SYT16: variants seen among roughly 807,000 people sequenced by gnomAD.
SYT16 encodes synaptotagmin 16, also known as synaptotagmin-16.
A neutral mutation model predicts 61.4 loss-of-function variants in SYT16; 42 were observed. That is an observed-to-expected ratio of 0.68 (90% CI 0.53 to 0.89). SYT16 has a LOEUF of 0.89. Among genes scored for constraint, SYT16 ranks in the 40% least tolerant of loss-of-function variants. The probability of loss-of-function intolerance (pLI) is 0.00; values close to 1 mark genes in which losing one functional copy is unlikely to be tolerated. For missense variants in SYT16, 804 were observed against 807.3 expected, an observed-to-expected ratio of 1.00 and a Z score of 0.05; for synonymous variants, 314 against 302.3, an observed-to-expected ratio of 1.04 and a Z score of -0.40.
At chr14:62,083,708 G>A (rs1303530867) in intron 6 of SYT16, among the ~76,000 whole-genome samples, 1 of 152,130 alleles carries the variant, frequency 6.6e-6, no homozygotes, top group Admixed American at 6.5e-5. Flanking sequence ...TGTTCTATGT[G>A]GGGGTAGACG....
At chr14:61,996,621 TATC>T in intron 3 of SYT16, 79 bp downstream of exon 3, 7 of 1,489,676 alleles carry the variant, frequency 4.7e-6, no homozygotes, top group Middle Eastern at 1.8e-4. Flanking sequence ...TGTTTTTAGT[TATC>T]ATGTGGATTT....
intron 7 of SYT16, among the ~76,000 whole-genome samples, chr14:62,089,742 G>A (rs1366416569): frequency 6.6e-6 from 1 of 152,178 alleles, no homozygotes; most frequent in African/African-American, 2.4e-5. Flanking sequence ...TATTAAGATG[G>A]TATAGGGTAG....
chr14:62,002,226 G>A (rs1296090908), intron 3 of SYT16, among the ~76,000 whole-genome samples: 1 of 152,094 alleles, frequency 6.6e-6, no homozygotes, highest in Non-Finnish European at 1.5e-5. Flanking sequence ...AGGATGTTTA[G>A]TGTGAGGGGG....
At chr14:61,832,962 A>C (rs1395801985) in intron 1 of SYT16, among the ~76,000 whole-genome samples, 1 of 152,110 alleles carries the variant, frequency 6.6e-6, no homozygotes, top group East Asian at 1.9e-4. Flanking sequence ...TCACTTCTTA[A>C]GGTGTCAATT....
At chr14:62,063,384 G>A (rs1474261816) in intron 3 of SYT16, among the ~76,000 whole-genome samples, 2 of 152,202 alleles carry the variant, frequency 1.3e-5, no homozygotes, top group Admixed American at 1.3e-4. Flanking sequence ...CATTTAAAAA[G>A]TATACCATAT....
chr14:62,084,397 T>A lies in SYT16; in HGVS notation c.1624+12T>A. The A allele has an allele frequency of 6.2e-7, 1 of 1,607,904 alleles. No individual in the cohort carries two copies. Among genetic ancestry groups the A allele is most frequent in the South Asian group, 1.1e-5 (1 of 90,356 alleles). The stretch of plus-strand genomic sequence containing the variant: ...TAACCGAGCACCTGGTAAGTGTGAG[T>A]CTGTTCTCCCAGCTCTGGTTCTTCC... On this transcript the variant is annotated intron_variant, in intron 7 of 7. Coordinates refer to ENST00000683842, the MANE Select transcript of SYT16 (RefSeq NM_001367656.1).
chr14:62,090,230 CTA>C (rs1255217078), intron 7 of SYT16, among the ~76,000 whole-genome samples: 2 of 152,220 alleles, frequency 1.3e-5, no homozygotes, highest in Non-Finnish European at 2.9e-5. Context: ...TTGTCAAAAA[CTA>C]TCATTAAGAT....
chr14:61,863,007 T>C (rs2047012392), intron 1 of SYT16, among the ~76,000 whole-genome samples: 1 of 152,234 alleles, frequency 6.6e-6, no homozygotes, highest in South Asian at 2.1e-4. Context: ...CACAGTTTGT[T>C]TATCCATTTA....
chr14:61,914,959 C>G (rs915959510), intron 1 of SYT16, among the ~76,000 whole-genome samples: 1 of 152,132 alleles, frequency 6.6e-6, no homozygotes, highest in Admixed American at 6.6e-5. Flanking sequence ...ATAGGTTGTA[C>G]ATGATCTGGT....
At chr14:61,992,069 C>A (rs2052575295) in intron 2 of SYT16, among the ~76,000 whole-genome samples, 1 of 152,096 alleles carries the variant, frequency 6.6e-6, no homozygotes, top group South Asian at 2.1e-4. Flanking sequence ...TGTGGACTCC[C>A]AGTCCATTGG....
chr14:61,877,399 C>T (rs997537800), intron 1 of SYT16, among the ~76,000 whole-genome samples: 1 of 152,112 alleles, frequency 6.6e-6, no homozygotes, highest in African/African-American at 2.4e-5. Flanking sequence ...ACTTCCTGTG[C>T]TAAGGGAGGA....
At chr14:61,930,156 T>C (rs1444480511) in intron 1 of SYT16, among the ~76,000 whole-genome samples, 2 of 152,106 alleles carry the variant, frequency 1.3e-5, no homozygotes, top group Non-Finnish European at 2.9e-5. Context: ...TTCTGTTCTT[T>C]CCATGTGATT....
intron 2 of SYT16, among the ~76,000 whole-genome samples, chr14:61,990,265 A>G (rs2140602338): frequency 6.6e-6 from 1 of 152,328 alleles, no homozygotes; most frequent in East Asian, 1.9e-4. Context: ...CATAAAAATA[A>G]TTAGCTTTAT....
intron 1 of SYT16, among the ~76,000 whole-genome samples, chr14:61,860,781 C>T (rs571557459): frequency 1.9e-4 from 29 of 152,264 alleles, no homozygotes; most frequent in African/African-American, 5.3e-4. Flanking sequence ...TGAGGCCATT[C>T]GATTCAAGAG....
intron 1 of SYT16, among the ~76,000 whole-genome samples, chr14:61,830,849 G>T (rs1393987425): frequency 6.6e-6 from 1 of 152,184 alleles, no homozygotes; most frequent in East Asian, 1.9e-4. Context: ...ATCCATTCCA[G>T]TGAGGAGGAG....
rs149111898 is a variant in SYT16, at chr14:61,852,825, T to C, written c.-325+40015T>C. Among the ~76,000 whole-genome samples, 671 of 152,300 alleles carry C rather than the reference T, an allele frequency of 4.4e-3. 8 individuals are homozygous for C. The highest frequency in any genetic ancestry group is 0.025 in the South Asian group (119 of 4,828). ...TAAAAAGCAACATATCTTTTTCATT[T>C]GAAAGAAAGTTAATTAGGATTTTTA... is the stretch of plus-strand genomic sequence containing the variant. On this transcript the variant is annotated intron_variant, in intron 1 of 7. Coordinates refer to ENST00000683842, the MANE Select transcript of SYT16 (RefSeq NM_001367656.1).
At chr14:61,923,221 A>G (rs980280746) in intron 1 of SYT16, among the ~76,000 whole-genome samples, 1 of 152,232 alleles carries the variant, frequency 6.6e-6, no homozygotes, top group Non-Finnish European at 1.5e-5. Flanking sequence ...CACCAAACTC[A>G]TTCATAAGAA....
At position 62,075,360 on chromosome 14, in the gene SYT16, C is replaced by T. The variant is rs1370055400; in HGVS notation, c.962C>T (p.Ala321Val). The T allele has an allele frequency of 2.5e-6, 4 of 1,613,356 alleles. No individual in the cohort carries two copies. In the Admixed American group the frequency reaches 6.7e-5, roughly 27 times the overall value. Residue 321 changes from alanine (A) to valine (V), a missense_variant, in exon 5 of 8, where the codon GCC (alanine) becomes GTC (valine). Physicochemically the swap from Ala to Val is moderately conservative, Grantham distance 64. Transcript: ENST00000683842. ...AGCCGGGGATTTGAAGATTCCTATG[C>T]CACTGACAGCTCCTCCATGTGGAGT... ...FNSRGFEDSY[A>V]TDSSSMWSPE...
intron 1 of SYT16, chr14:61,832,482 G>A (rs1339298866): frequency 2.7e-6 from 1 of 372,250 alleles, no homozygotes; most frequent in Non-Finnish European, 5.4e-6. Context: ...TGTTGCCCAG[G>A]CTGTGGCGCA....
Sources: gnomAD v4.1 joint callset for allele counts (sites outside exome capture counted in the v4.1 genomes callset) on GRCh38, gnomAD v4.1.1 for gene constraint, MANE v1.5 for transcripts, NCBI Gene and HGNC (gene_info 2026-07-23, HGNC 2026-07-21) for gene names.